The following THSD7B variants were observed in gnomAD, a reference collection of about 807,000 sequenced individuals.
The protein encoded by THSD7B is thrombospondin type 1 domain containing 7B.
Under a neutral mutation model 213.6 loss-of-function variants are expected in THSD7B, and 138 were observed. That is an observed-to-expected ratio of 0.65 (90% CI 0.56 to 0.74). The LOEUF is 0.74. Ranked by LOEUF, THSD7B falls within the 30% of genes least tolerant of loss-of-function variation. The pLI is 0.00. For missense variants in THSD7B, 1,931 were observed against 1,991.5 expected (o/e 0.97, Z 0.58); for synonymous variants, 742 against 687.0 (o/e 1.08, Z -1.25).
chr2:137,482,187 CAA>C (rs5834555), intron 15 of THSD7B, among the ~76,000 whole-genome samples: 294 of 132,592 alleles, frequency 2.2e-3, no homozygotes, highest in Middle Eastern at 3.9e-3. Flanking sequence ...CCCTCCCCAC[CAA>C]AAAAAAAAAA....
intron 15 of THSD7B, among the ~76,000 whole-genome samples, chr2:137,497,933 G>A (rs191855985): frequency 1.4e-4 from 21 of 152,190 alleles, no homozygotes; most frequent in East Asian, 5.8e-4. Context: ...AAAATGAAGC[G>A]AAGTGTAACC....
chr2:137,645,464 G>A (rs1237195717), intron 21 of THSD7B, among the ~76,000 whole-genome samples: 1 of 152,136 alleles, frequency 6.6e-6, no homozygotes, highest in Non-Finnish European at 1.5e-5. Flanking sequence ...ATGAGTGAAT[G>A]TTTGCTTTAT....
chr2:137,018,454 A>G (rs1573769977), intron 2 of THSD7B, among the ~76,000 whole-genome samples: 1 of 152,204 alleles, frequency 6.6e-6, no homozygotes, highest in East Asian at 1.9e-4. Context: ...GGAAAGGTAC[A>G]TATCTATACC....
chr2:136,802,681 A>ATATATATG (rs1682211617), intron 1 of THSD7B, among the ~76,000 whole-genome samples: 2 of 130,432 alleles, frequency 1.5e-5, no homozygotes, highest in Admixed American at 1.6e-4. Flanking sequence ...ATATATATAT[A>ATATATATG]TGTAGTATTT....
At chr2:137,132,337 T>C (rs908659834) in intron 5 of THSD7B, among the ~76,000 whole-genome samples, 2 of 149,256 alleles carry the variant, frequency 1.3e-5, no homozygotes, top group African/African-American at 4.9e-5. Context: ...CAGGGACAAT[T>C]TGACTTCCTC....
intron 1 of THSD7B, among the ~76,000 whole-genome samples, chr2:136,840,952 T>C (rs1221376178): frequency 6.6e-6 from 1 of 152,188 alleles, no homozygotes; most frequent in East Asian, 1.9e-4. Context: ...TTGGTGGTGC[T>C]ACCAAAGGAG....
At chr2:137,480,479 C>T (rs1312533159) in intron 15 of THSD7B, among the ~76,000 whole-genome samples, 1 of 152,072 alleles carries the variant, frequency 6.6e-6, no homozygotes, top group African/African-American at 2.4e-5. Context: ...TATCAAAGTA[C>T]CCATATAGGC....
rs143706582 is a variant in THSD7B at position 137,189,103 on chromosome 2, C to T, written c.1723+18165C>T. On this transcript the variant is annotated intron_variant, in intron 7 of 27. Transcript: ENST00000409968. ...TGGCCACATTCTCTTCTCTGGCAGCCAATTCCCATCTCATCTTCCTTCCTT... is the reference window on the plus strand; with the variant it reads ...TGGCCACATTCTCTTCTCTGGCAGCTAATTCCCATCTCATCTTCCTTCCTT... Among the ~76,000 whole-genome samples, 14 of 152,218 alleles carry T rather than the reference C, an allele frequency of 9.2e-5. No individual in the cohort carries two copies. In the East Asian group the frequency reaches 2.7e-3, roughly 29 times the overall value.
chr2:137,298,000 G>C (rs1283406717), intron 12 of THSD7B, among the ~76,000 whole-genome samples: 1 of 152,090 alleles, frequency 6.6e-6, no homozygotes, highest in African/African-American at 2.4e-5. Flanking sequence ...AAAAACTTTG[G>C]AACTGGGTAG....
chr2:137,139,575 C>G (rs1679540976), intron 5 of THSD7B, among the ~76,000 whole-genome samples: 1 of 152,086 alleles, frequency 6.6e-6, no homozygotes, highest in Non-Finnish European at 1.5e-5. Context: ...TATATTTAGT[C>G]ATTTGATTTC....
chr2:136,915,287 C>A (rs1046148285), intron 2 of THSD7B, among the ~76,000 whole-genome samples: 1 of 152,068 alleles, frequency 6.6e-6, no homozygotes, highest in African/African-American at 2.4e-5. Flanking sequence ...TTTTTCAGAG[C>A]GTAGAAATAA....
chr2:137,520,130 G>A (rs1363370288), intron 15 of THSD7B, among the ~76,000 whole-genome samples: 1 of 152,160 alleles, frequency 6.6e-6, no homozygotes, highest in African/African-American at 2.4e-5. Context: ...CTTGGAATTA[G>A]GATGCATTTC....
chr2:137,234,634 T>G (rs1681724794), intron 9 of THSD7B, among the ~76,000 whole-genome samples: 1 of 152,316 alleles, frequency 6.6e-6, no homozygotes, highest in East Asian at 1.9e-4. Context: ...GGATTGGGTG[T>G]TCTTTCTTGT....
chr2:137,278,167 G>C (rs1240632911), intron 12 of THSD7B, among the ~76,000 whole-genome samples: 1 of 151,954 alleles, frequency 6.6e-6, no homozygotes, highest in East Asian at 1.9e-4. Flanking sequence ...GGGGAGAAAA[G>C]TATCAAAGAA....
intron 12 of THSD7B, among the ~76,000 whole-genome samples, chr2:137,349,422 T>C (rs1684960032): frequency 6.6e-6 from 1 of 151,858 alleles, no homozygotes; most frequent in Non-Finnish European, 1.5e-5. Flanking sequence ...ATAAGAATCA[T>C]GTCTGGCATA....
chr2:137,518,953 A>AAAAGGGG (rs1369426475), intron 15 of THSD7B, among the ~76,000 whole-genome samples: 2 of 152,124 alleles, frequency 1.3e-5, no homozygotes, highest in Non-Finnish European at 2.9e-5. Context: ...TCCTCACTGG[A>AAAAGGGG]AAAGGGGAAA....
chr2:137,064,202 A>G (rs1687334075), intron 3 of THSD7B, among the ~76,000 whole-genome samples: 1 of 152,020 alleles, frequency 6.6e-6, no homozygotes, highest in South Asian at 2.1e-4. Context: ...ACTCATTTTA[A>G]CTGGGATGAG....
chr2:137,572,201 T>C (rs374578292), intron 16 of THSD7B, among the ~76,000 whole-genome samples: 1 of 152,208 alleles, frequency 6.6e-6, no homozygotes, highest in East Asian at 1.9e-4. Flanking sequence ...TGTTCTCCCT[T>C]GCCCTGATGA....
At chr2:136,812,681 C>A (rs1324290669) in intron 1 of THSD7B, among the ~76,000 whole-genome samples, 4 of 152,186 alleles carry the variant, frequency 2.6e-5, no homozygotes, top group Non-Finnish European at 5.9e-5. Flanking sequence ...AGTTGAGAAA[C>A]TTTAAGCAAT....
Sources: allele counts gnomAD v4.1 joint callset (sites outside exome capture counted in the v4.1 genomes callset), GRCh38; gene constraint gnomAD v4.1.1; transcripts MANE v1.5; gene names NCBI Gene and HGNC (gene_info 2026-07-23, HGNC 2026-07-21).